Variants in UBE2F observed in about 807,000 individuals in gnomAD.
UBE2F encodes the protein ubiquitin conjugating enzyme E2 F (putative), also known as NEDD8-conjugating enzyme UBE2F.
Under a neutral mutation model 29.6 loss-of-function variants are expected in UBE2F, and 5 were observed. The observed-to-expected ratio is 0.17, with a 90% CI of 0.09 to 0.36. UBE2F has a LOEUF of 0.36. Among genes scored for constraint, UBE2F ranks in the 10% least tolerant of loss-of-function variants. The probability of loss-of-function intolerance (pLI) is 1.00; values close to 1 mark genes in which losing one functional copy is unlikely to be tolerated. For missense variants in UBE2F, 141 were observed against 228.5 expected, an observed-to-expected ratio of 0.62 and a Z score of 2.47; for synonymous variants, 66 against 81.8, an observed-to-expected ratio of 0.81 and a Z score of 1.04.
intron 4 of UBE2F, among the ~76,000 whole-genome samples, chr2:238,009,846 C>T (rs952459523): frequency 1.3e-5 from 2 of 152,184 alleles, no homozygotes; most frequent in African/African-American, 4.8e-5. Flanking sequence ...TAAATATTGA[C>T]ATTTAAAAAT....
Position 237,967,938 on chromosome 2 carries a change from G to C in UBE2F, c.-17+806G>C, listed in dbSNP as rs1285922133. 6.6e-6 allele frequency among the ~76,000 whole-genome samples: 1 copy of C among 152,150 alleles called. No individual in the cohort carries two copies. The highest frequency in any genetic ancestry group is 1.9e-4 in the East Asian group (1 of 5,188). On this transcript the variant is annotated intron_variant, in intron 1 of 9. Coordinates refer to ENST00000272930, the MANE Select transcript of UBE2F (RefSeq NM_080678.3). The surrounding 1 kb of genome is among the most constrained non-coding windows in gnomAD (Gnocchi z 6.3). The stretch of plus-strand genomic sequence containing the variant: ...CTGCATTCCCGACCGCCTGGAAGTG[G>C]GGGCAGGATGGGTTGGAATAGCCAG...
At chr2:238,022,835 C>G (rs2064328151) in intron 5 of UBE2F, among the ~76,000 whole-genome samples, 1 of 151,984 alleles carries the variant, frequency 6.6e-6, no homozygotes, top group Non-Finnish European at 1.5e-5. Context: ...CTGTGGGCCA[C>G]TGGGGTTGGG....
rs968833589 is a variant in UBE2F at position 237,982,967 on chromosome 2, C to T, written c.119-4996C>T. Among the ~76,000 whole-genome samples the T allele has an allele frequency of 6.6e-6, 1 of 152,102 alleles. No individual in the cohort carries two copies. The highest frequency in any genetic ancestry group is 1.5e-5 in the Non-Finnish European group (1 of 68,018). On this transcript the variant is annotated intron_variant, in intron 2 of 9. Transcript: ENST00000272930. The surrounding 1 kb of genome is among the most constrained non-coding windows in gnomAD (Gnocchi z 4.1). The stretch of plus-strand genomic sequence containing the variant: ...TAATGGTAAACCTTTCCTAGGATCA[C>T]CATCATTATATTTTGTTAAGTAAAT...
intron 9 of UBE2F, among the ~76,000 whole-genome samples, chr2:238,039,511 A>T (rs980540898): frequency 6.6e-6 from 1 of 152,270 alleles, no homozygotes; most frequent in Non-Finnish European, 1.5e-5. Flanking sequence ...TTCTCACAAC[A>T]GCCCCTTGGG....
At chr2:237,972,608 T>C (rs1165347426) in intron 1 of UBE2F, among the ~76,000 whole-genome samples, 1 of 143,716 alleles carries the variant, frequency 7.0e-6, no homozygotes, top group Non-Finnish European at 1.5e-5. Flanking sequence ...TGGAGTGCAG[T>C]GGCACAATCA....
chr2:238,029,340 G>A (rs2064514658), intron 6 of UBE2F, among the ~76,000 whole-genome samples: 1 of 151,862 alleles, frequency 6.6e-6, no homozygotes, highest in Admixed American at 6.6e-5. Flanking sequence ...TGTAATCCCA[G>A]CACTTTGGGA....
chr2:237,988,022 C>T (rs376081690), intron 3 of UBE2F, 30 bp downstream of exon 3: 5 of 1,407,544 alleles, frequency 3.6e-6, no homozygotes, highest in Non-Finnish European at 4.8e-6. Context: ...ACACTAAGTA[C>T]TGTGAAATAA....
chr2:238,007,038 G>A (rs2063923407), intron 4 of UBE2F, among the ~76,000 whole-genome samples: 1 of 152,132 alleles, frequency 6.6e-6, no homozygotes, highest in Middle Eastern at 3.2e-3. Flanking sequence ...TTACAGGCGT[G>A]AGCCACTGCA....
chr2:237,970,600 C>T (rs1198665842), intron 1 of UBE2F, among the ~76,000 whole-genome samples: 1 of 152,164 alleles, frequency 6.6e-6, no homozygotes, highest in Non-Finnish European at 1.5e-5. Context: ...AACCTTTAGA[C>T]CAGTGCTTCT....
intron 4 of UBE2F, among the ~76,000 whole-genome samples, chr2:238,007,194 T>TG (rs2063926543): frequency 1.3e-5 from 2 of 152,198 alleles, no homozygotes; most frequent in African/African-American, 2.4e-5. Flanking sequence ...TGATCTCAGC[T>TG]CACTGCATTC....
intron 2 of UBE2F, among the ~76,000 whole-genome samples, chr2:237,975,738 A>G (rs1046026617): frequency 3.3e-5 from 5 of 152,164 alleles, no homozygotes; most frequent in African/African-American, 1.2e-4. Flanking sequence ...TCCTGGGTTC[A>G]AGCGATTCTC....
chr2:237,983,176 C>A (rs555981473), intron 2 of UBE2F, among the ~76,000 whole-genome samples: 2 of 152,270 alleles, frequency 1.3e-5, no homozygotes, highest in African/African-American at 2.4e-5. Flanking sequence ...CATAAGACTG[C>A]CAGGAAGATA....
intron 9 of UBE2F, among the ~76,000 whole-genome samples, chr2:238,038,953 G>A (rs1297449508): frequency 3.9e-5 from 6 of 152,304 alleles, no homozygotes; most frequent in Non-Finnish European, 5.9e-5. Context: ...GAACAAACAC[G>A]GCCAGACACC....
Position 238,005,880 on chromosome 2 carries a change from T to G in UBE2F, c.215-10686T>G, listed in dbSNP as rs183091063. Among the ~76,000 whole-genome samples, 252 of 152,322 alleles carry G rather than the reference T, an allele frequency of 1.7e-3. 1 individual carries two copies. The highest frequency in any genetic ancestry group is 5.8e-3 in the African/African-American group (240 of 41,572). On this transcript the variant is annotated intron_variant, in intron 4 of 9. Coordinates refer to ENST00000272930, the MANE Select transcript of UBE2F (RefSeq NM_080678.3). ...TTCTACTTTTTGGTAGAAAATTATT[T>G]TGGTGATTTTTGTTCCTTTACTTTT...
chr2:237,974,740 C>T (rs1364063624), intron 2 of UBE2F, among the ~76,000 whole-genome samples: 1 of 152,056 alleles, frequency 6.6e-6, no homozygotes, highest in Non-Finnish European at 1.5e-5. Flanking sequence ...GTCTCAAACT[C>T]CTGACCTCAG....
chr2:238,006,591 A>T (rs1034013264), intron 4 of UBE2F, among the ~76,000 whole-genome samples: 9 of 152,114 alleles, frequency 5.9e-5, no homozygotes, highest in Non-Finnish European at 1.2e-4. Flanking sequence ...AGACTTTCCT[A>T]TGTAAACTAT....
chr2:238,010,823 A>C (rs2064006033), intron 4 of UBE2F, among the ~76,000 whole-genome samples: 1 of 152,168 alleles, frequency 6.6e-6, no homozygotes. Flanking sequence ...TGGGATGCCA[A>C]CTTGAAATCT....
chr2:238,019,501 G>A (rs2064241152), intron 5 of UBE2F, among the ~76,000 whole-genome samples: 1 of 151,878 alleles, frequency 6.6e-6, no homozygotes, highest in Non-Finnish European at 1.5e-5. Flanking sequence ...TGAGGAGCTG[G>A]GATTACACGC....
chr2:238,035,567 T>G (rs2064689197), intron 8 of UBE2F: 1 of 230,436 alleles, frequency 4.3e-6, no homozygotes. Context: ...GTTTTCATTC[T>G]CCAGTTATCA....
Sources: allele counts gnomAD v4.1 joint callset (sites outside exome capture counted in the v4.1 genomes callset), GRCh38; gene constraint gnomAD v4.1.1; non-coding constraint Gnocchi (gnomAD v3.1); transcripts MANE v1.5; gene names NCBI Gene and HGNC (gene_info 2026-07-23, HGNC 2026-07-21).